Variants in C1RL observed in about 807,000 individuals in gnomAD.
The protein encoded by C1RL is complement C1r subcomponent like.
Under a neutral mutation model 27.9 loss-of-function variants are expected in C1RL, and 27 were observed. The observed-to-expected ratio is 0.97, with a 90% CI of 0.71 to 1.33. The LOEUF (loss-of-function observed/expected upper bound fraction) is 1.33, where lower values mean the gene tolerates loss of function less well. C1RL is among the 40% of genes most tolerant of loss of function. C1RL has a pLI of 0.00. For missense variants in C1RL, 563 were observed against 623.9 expected, an observed-to-expected ratio of 0.90 and a Z score of 1.04; for synonymous variants, 248 against 252.1, an observed-to-expected ratio of 0.98 and a Z score of 0.15.
chr12:7,096,413 C>T lies in C1RL; in HGVS notation c.1442G>A (p.Gly481Glu), dbSNP rs1938428903. 1 of 1,611,088 alleles carries T rather than the reference C, an allele frequency of 6.2e-7. No individual in the cohort carries two copies. Among genetic ancestry groups the T allele is most frequent in the South Asian group, 1.1e-5 (1 of 90,734 alleles). The change falls in exon 6 of 6, where the codon GGA becomes GAA. Residue 481 changes from glycine (G) to glutamate (E), a missense_variant. Gly to Glu is a moderately conservative substitution (Grantham distance 98, BLOSUM62 -2). Coordinates refer to ENST00000266542, the MANE Select transcript of C1RL (RefSeq NM_016546.4). The stretch of plus-strand genomic sequence containing the variant: ...GGGTCAATTCTTGCCATTCATCACT[C>T]CCTTGATCCAGTCCACATAGCTGAG... ...KVLSYVDWIK[G>E]VMNGKN
intron 2 of C1RL, among the ~76,000 whole-genome samples, chr12:7,107,596 C>A (rs1413522564): frequency 1.3e-5 from 2 of 151,726 alleles, no homozygotes; most frequent in Non-Finnish European, 2.9e-5. Flanking sequence ...AAATTTAAAT[C>A]AAAAGATAAT....
At position 7,095,384 on chromosome 12, in the gene C1RL, GA is replaced by G; in HGVS notation, c.*1006del. The G allele has an allele frequency of 9.8e-7, 1 of 1,016,624 alleles. No individual in the cohort carries two copies. The highest frequency in any genetic ancestry group is 1.2e-6 in the Non-Finnish European group (1 of 846,522). 63.0% of individuals were successfully genotyped at this position (1,016,624 alleles called of 1,614,324 possible). A position where few individuals can be genotyped will look rare whatever the true frequency, so the allele number is the denominator to read the frequency against. On this transcript the variant is annotated 3_prime_UTR_variant, in exon 6 of 6. Transcript: ENST00000266542. ...CCACCTCGGACTCCTAAGGTGTTGG[GA>G]TTACAGGCGTGAGCCACTGCGCCCG... is the stretch of plus-strand genomic sequence containing the variant.
chr12:7,101,616 A>G (rs1220720169), intron 3 of C1RL: 16 of 504,176 alleles, frequency 3.2e-5, no homozygotes, highest in African/African-American at 2.8e-4. Flanking sequence ...TTGAAAATTT[A>G]TAATTTTACT....
chr12:7,105,322 T>C (rs1346209391), intron 2 of C1RL, among the ~76,000 whole-genome samples: 1 of 152,136 alleles, frequency 6.6e-6, no homozygotes, highest in Non-Finnish European at 1.5e-5. Context: ...CAGGCTGTAG[T>C]GCAGTGGCCT....
intron 5 of C1RL, chr12:7,098,223 A>C (rs1457461390): frequency 1.3e-5 from 2 of 152,276 alleles, no homozygotes; most frequent in East Asian, 3.9e-4. Flanking sequence ...GTGAACCGAG[A>C]TCGCGCCACT....
In C1RL at chr12:7,096,602, T is replaced by G; in HGVS notation, c.1253A>C (p.Asn418Thr). The G allele has an allele frequency of 6.2e-7, 1 of 1,614,120 alleles. No homozygotes were observed. Among genetic ancestry groups the G allele is most frequent in the Non-Finnish European group, 8.5e-7 (1 of 1,180,024 alleles). ...CGTCTCATCCCCAACACAGAACATATTGTCAGAAAACACCTCGGGTCTCTG... is the reference window on the plus strand; with the variant it reads ...CGTCTCATCCCCAACACAGAACATAGTGTCAGAAAACACCTCGGGTCTCTG... ...KRQRPEVFSD[N>T]MFCVGDETQR... The change falls in exon 6 of 6, where the codon AAT becomes ACT. Residue 418 changes from asparagine to threonine, a missense_variant. Coordinates refer to ENST00000266542, the MANE Select transcript of C1RL (RefSeq NM_016546.4).
In C1RL at chr12:7,104,925, T is replaced by C. The variant is rs924796757; in HGVS notation, c.301-2838A>G. 6.6e-6 allele frequency among the ~76,000 whole-genome samples: 1 copy of C among 152,236 alleles called. No homozygotes were observed. The highest frequency in any genetic ancestry group is 1.5e-5 in the Non-Finnish European group (1 of 68,046). Reference sequence around the variant, plus strand: ...TTCTATGTTATTTCTCTTAAAGTCATACTTTCCAAGAACCTATGGATGATT... The same window carrying C: ...TTCTATGTTATTTCTCTTAAAGTCACACTTTCCAAGAACCTATGGATGATT... On this transcript the variant is annotated intron_variant, in intron 2 of 5. Coordinates refer to ENST00000266542, the MANE Select transcript of C1RL (RefSeq NM_016546.4). This position sits in a 1 kb window ranked among gnomAD's most constrained non-coding sequence, Gnocchi z 5.4.
In C1RL at chr12:7,102,071, G is replaced by A. The variant is rs775236413; in HGVS notation, c.317C>T (p.Ser106Leu). The A allele has an allele frequency of 4.4e-5, 70 of 1,606,672 alleles. No homozygotes were observed. In the East Asian group the frequency reaches 9.4e-4, roughly 22 times the overall value. ...GDSVTISFVG[S>L]DPSQFCGQQG... ...CTGACCACAGAACTGGCTTGGATCC[G>A]AACCGACGAATGAGATCTGAAAGCG... Residue 106 changes from serine to leucine, a missense_variant, in exon 3 of 6, where the codon TCG (serine) becomes TTG (leucine). Coordinates refer to ENST00000266542, the MANE Select transcript of C1RL (RefSeq NM_016546.4).
intron 2 of C1RL, among the ~76,000 whole-genome samples, chr12:7,107,214 G>A (rs1433022733): frequency 6.6e-6 from 1 of 151,822 alleles, no homozygotes; most frequent in Non-Finnish European, 1.5e-5. Flanking sequence ...TGTCACCCAG[G>A]CTGGAGTACG....
Position 7,101,900 on chromosome 12 carries a change from A to G in C1RL, c.488T>C (p.Val163Ala). 1 of 1,614,032 alleles carries G rather than the reference A, an allele frequency of 6.2e-7. No individual in the cohort carries two copies. Among genetic ancestry groups the G allele is most frequent in the Admixed American group, 1.7e-5 (1 of 60,018 alleles). ...GCACCCCCAGGAGGGACACTCACCC[A>G]CGGTTTGGTAGAGGGCCAGGAAGCC... ...HKGFLALYQT[V>A]AVNYSQPISE... Residue 163 changes from valine (V) to alanine (A), a missense_variant and splice_region_variant, in exon 3 of 6, where the codon GTG becomes GCG. Physicochemically the swap from Val to Ala is moderately conservative, Grantham distance 64. Transcript: ENST00000266542.
At chr12:7,106,009 A>G (rs1297225128) in intron 2 of C1RL, among the ~76,000 whole-genome samples, 1 of 152,212 alleles carries the variant, frequency 6.6e-6, no homozygotes, top group Admixed American at 6.5e-5. Context: ...TCTGGAAATT[A>G]TTTAAAAAAT....
chr12:7,101,714 G>A, intron 3 of C1RL, 184 bp downstream of exon 3: 1 of 611,426 alleles, frequency 1.6e-6, no homozygotes, highest in Non-Finnish European at 2.9e-6. Context: ...AACCGCTGGG[G>A]GCTCAGCTAC....
At chr12:7,098,472 C>G (rs1403386602) in intron 5 of C1RL, 3 of 152,214 alleles carry the variant, frequency 2.0e-5, no homozygotes, top group African/African-American at 7.2e-5. Context: ...GGTATATACC[C>G]AGGAGATTTA....
At position 7,109,038 on chromosome 12, in the gene C1RL, G is replaced by A. The variant is rs1938875081; in HGVS notation, c.71+72C>T. On this transcript the variant is annotated intron_variant, in intron 1 of 5. Transcript: ENST00000266542. Reference sequence around the variant, plus strand: ...GGGGGGGTAGGGTGGGGGGAGGGAGGGTTTGCGGCCACCCACCCTTTCTCT... The same window carrying A: ...GGGGGGGTAGGGTGGGGGGAGGGAGAGTTTGCGGCCACCCACCCTTTCTCT... 6.2e-6 allele frequency: 6 copies of A among 963,408 alleles called. No homozygotes were observed. The Admixed American group carries it at 8.3e-5, about 13-fold the overall frequency. The allele number at this position is 963,408 out of a possible 1,614,324, so 59.7% of individuals were successfully genotyped here.
intron 2 of C1RL, among the ~76,000 whole-genome samples, chr12:7,102,596 C>T (rs1333150699): frequency 1.3e-5 from 2 of 152,210 alleles, no homozygotes; most frequent in Non-Finnish European, 1.5e-5. Context: ...CTTTGGCCAA[C>T]ATCTGTGAGG....
At chr12:7,108,627 T>A in intron 1 of C1RL, 148 bp from the exon 2 acceptor site, 1 of 620,290 alleles carries the variant, frequency 1.6e-6, no homozygotes, top group Non-Finnish European at 2.8e-6. Flanking sequence ...GCCCGGGCAC[T>A]TCCCGTCTCC....
chr12:7,101,775 G>T, intron 3 of C1RL, 123 bp downstream of exon 3: 1 of 1,030,974 alleles, frequency 9.7e-7, no homozygotes, highest in Non-Finnish European at 1.5e-6. Flanking sequence ...CTGGGATCCA[G>T]CCCAGGTGTC....
rs1159935882 is a variant in C1RL at position 7,099,965 on chromosome 12, A to G, written c.552T>C (p.Pro184=). The G allele has an allele frequency of 6.2e-7, 1 of 1,613,936 alleles. No individual in the cohort carries two copies. The highest frequency in any genetic ancestry group is 8.5e-7 in the Non-Finnish European group (1 of 1,180,010). The change falls in exon 4 of 6, where the codon CCT becomes CCC. Residue 184 remains proline (P), a synonymous_variant. Transcript: ENST00000266542. ...ASRGSEAINA[P]GDNPAKVQNH... ...TCTGGACCTTGGCAGGGTTGTCTCC[A>G]GGTGCGTTGATGGCCTCAGAGCCCC...
intron 1 of C1RL, 65 bp downstream of exon 1, chr12:7,109,045 G>A (rs1591603120): frequency 3.5e-6 from 4 of 1,133,450 alleles, no homozygotes; most frequent in African/African-American, 3.2e-5. Context: ...GAGGGTTTGC[G>A]GCCACCCACC....
Sources: allele counts gnomAD v4.1 joint callset (sites outside exome capture counted in the v4.1 genomes callset), GRCh38; gene constraint gnomAD v4.1.1; non-coding constraint Gnocchi (gnomAD v3.1); transcripts MANE v1.5; gene names NCBI Gene and HGNC (gene_info 2026-07-23, HGNC 2026-07-21).